Variants in ARRDC4 observed in about 807,000 individuals in gnomAD.
ARRDC4 encodes the protein arrestin domain-containing protein 4.
ARRDC4 carries 40 observed loss-of-function variants against 44.6 expected under a neutral mutation model. The observed-to-expected ratio is 0.90, with a 90% CI of 0.70 to 1.17. ARRDC4 has a LOEUF of 1.17. ARRDC4 is among the 50% of genes most tolerant of loss of function. The pLI is 0.00. For missense variants in ARRDC4, 550 were observed against 559.1 expected, an observed-to-expected ratio of 0.98 and a Z score of 0.16; for synonymous variants, 211 against 221.2, an observed-to-expected ratio of 0.95 and a Z score of 0.41.
In ARRDC4 at chr15:97,971,118, T is replaced by C; in HGVS notation, c.1201-13T>C. The C allele has an allele frequency of 1.9e-6, 3 of 1,612,914 alleles. No homozygotes were observed. The highest frequency in any genetic ancestry group is 2.5e-6 in the Non-Finnish European group (3 of 1,179,056). On this transcript the variant is annotated splice_polypyrimidine_tract_variant and intron_variant, in intron 7 of 7. Transcript: ENST00000268042. ...TGCTACAACACTAATCTCAGTCCGCTCTTTTTTTGCAGGTTGACCCACATC... is the reference window on the plus strand; with the variant it reads ...TGCTACAACACTAATCTCAGTCCGCCCTTTTTTTGCAGGTTGACCCACATC...
rs1263109107 is a variant in ARRDC4 at position 97,969,215 on chromosome 15, G to A, written c.718G>A (p.Ala240Thr). Reference protein sequence around the residue: ...AAIFQTQTYLASGKTKTIRHM... With the variant: ...AAIFQTQTYLTSGKTKTIRHM... Reference sequence around the variant, plus strand: ...TATTTTCCAAACGCAGACATATTTGGCTAGTGGAAAAACAAAGACCATTCG... The same window carrying A: ...TATTTTCCAAACGCAGACATATTTGACTAGTGGAAAAACAAAGACCATTCG... The change falls in exon 5 of 8, where the codon GCT becomes ACT. Residue 240 changes from alanine to threonine, a missense_variant. Coordinates refer to ENST00000268042, the MANE Select transcript of ARRDC4 (RefSeq NM_183376.3). 1 of 1,613,838 alleles carries A rather than the reference G, an allele frequency of 6.2e-7. No individual in the cohort carries two copies.
chr15:97,961,048 G>A lies in ARRDC4; in HGVS notation c.187G>A (p.Ala63Thr). 1 of 1,427,566 alleles carries A rather than the reference G, an allele frequency of 7.0e-7. No homozygotes were observed. Among genetic ancestry groups the A allele is most frequent in the Non-Finnish European group, 9.1e-7 (1 of 1,095,498 alleles). The allele number at this position is 1,427,566 out of a possible 1,614,324, so 88.4% of individuals were successfully genotyped here. A position where few individuals can be genotyped will look rare whatever the true frequency, so the allele number is the denominator to read the frequency against. Residue 63 changes from alanine to threonine, a missense_variant, in exon 1 of 8, where the codon GCC (alanine) becomes ACC (threonine). Coordinates refer to ENST00000268042, the MANE Select transcript of ARRDC4 (RefSeq NM_183376.3). ...GCTGCGCCTGGAGGCCCAGGGGCGCGCCACCGCCGCCTGGGGCCCGAGCAC... is the reference window on the plus strand; with the variant it reads ...GCTGCGCCTGGAGGCCCAGGGGCGCACCACCGCCGCCTGGGGCCCGAGCAC... ...RALRLEAQGR[A>T]TAAWGPSTCP...
rs1899511202 is a variant in ARRDC4, at chr15:97,971,345, G to A, written c.*158G>A. On this transcript the variant is annotated 3_prime_UTR_variant, in exon 8 of 8. Transcript: ENST00000268042. The stretch of plus-strand genomic sequence containing the variant: ...TTAAAGAATGTGAGAAAGTTCTGGT[G>A]GGCCGGCAGGATTGCCGCACAAGTT... The A allele has an allele frequency of 2.8e-6, 2 of 723,136 alleles. No homozygotes were observed. Among genetic ancestry groups the A allele is most frequent in the South Asian group, 1.8e-5 (1 of 55,410 alleles). 44.8% of individuals were successfully genotyped at this position (723,136 alleles called of 1,614,324 possible).
Position 97,971,413 on chromosome 15 carries a change from AAGATGT to A in ARRDC4, c.*227_*232del, listed in dbSNP as rs1202205694. ...TATATCCCTGTTAAAAACTGGGATG[AAGATGT>A]GCAAAGTCACAGAATGTAATGGAAG... is the stretch of plus-strand genomic sequence containing the variant. On this transcript the variant is annotated 3_prime_UTR_variant, in exon 8 of 8. Transcript: ENST00000268042. 5.9e-6 allele frequency: 3 copies of A among 512,660 alleles called. No homozygotes were observed. The highest frequency in any genetic ancestry group is 1.1e-5 in the Non-Finnish European group (3 of 283,798). The allele number at this position is 512,660 out of a possible 1,614,324, so 31.8% of individuals were successfully genotyped here.
chr15:97,964,954 C>T (rs1199445664), intron 1 of ARRDC4, among the ~76,000 whole-genome samples: 3 of 151,962 alleles, frequency 2.0e-5, no homozygotes, highest in East Asian at 1.9e-4. Context: ...TGGTATTTCC[C>T]GTTAGTATAA....
rs78704139 is a variant in ARRDC4, at chr15:97,967,215, C to A, written c.523-799C>A. 0.037 allele frequency among the ~76,000 whole-genome samples: 5,645 copies of A among 152,092 alleles called. 284 individuals are homozygous for A. Among genetic ancestry groups the A allele is most frequent in the African/African-American group, 0.11 (4,694 of 41,454 alleles). ...CTGAATATTTTTAAAGTTTTTATGA[C>A]CATTGTGGGAATTGATTTAAAGGGA... On this transcript the variant is annotated intron_variant, in intron 3 of 7. Coordinates refer to ENST00000268042, the MANE Select transcript of ARRDC4 (RefSeq NM_183376.3). This position sits in a 1 kb window ranked among gnomAD's most constrained non-coding sequence, Gnocchi z 5.0.
rs1899431297 is a variant in ARRDC4 at position 97,967,160 on chromosome 15, T to C, written c.523-854T>C. ...AAAATTGGTGATGCCAAGTAGCTTGTATTTTTAAAAACTACTTAGAATTGG... is the reference window on the plus strand; with the variant it reads ...AAAATTGGTGATGCCAAGTAGCTTGCATTTTTAAAAACTACTTAGAATTGG... On this transcript the variant is annotated intron_variant, in intron 3 of 7. Transcript: ENST00000268042. This position sits in a 1 kb window ranked among gnomAD's most constrained non-coding sequence, Gnocchi z 5.0. 6.6e-6 allele frequency among the ~76,000 whole-genome samples: 1 copy of C among 152,204 alleles called. No individual in the cohort carries two copies. The highest frequency in any genetic ancestry group is 2.4e-5 in the African/African-American group (1 of 41,460).
chr15:97,971,474 T>C lies in ARRDC4; in HGVS notation c.*287T>C, dbSNP rs894817740. The C allele has an allele frequency of 5.8e-5, 23 of 393,636 alleles. No homozygotes were observed. Among genetic ancestry groups the C allele is most frequent in the African/African-American group, 4.5e-4 (22 of 48,744 alleles). 24.4% of individuals were successfully genotyped at this position (393,636 alleles called of 1,614,324 possible). ...GATGGTTACAGAGTAAGTGAAAGGG[T>C]GCCTGCGCTGACGTGAGAGAAAGGA... On this transcript the variant is annotated 3_prime_UTR_variant, in exon 8 of 8. Transcript: ENST00000268042.
At position 97,969,516 on chromosome 15, in the gene ARRDC4, T is replaced by C. The variant is rs547917816; in HGVS notation, c.882+137T>C. ...ACACCAATTGGGGACTGTATGAAGA[T>C]TGGCCCTTGTTTTTAATAAAACCTA... On this transcript the variant is annotated intron_variant, in intron 5 of 7. Transcript: ENST00000268042. 134 of 996,346 alleles carry C rather than the reference T, an allele frequency of 1.3e-4. No individual in the cohort carries two copies. The African/African-American group carries it at 2.0e-3, about 15-fold the overall frequency. The allele number at this position is 996,346 out of a possible 1,614,324, so 61.7% of individuals were successfully genotyped here. A position where few individuals can be genotyped will look rare whatever the true frequency, so the allele number is the denominator to read the frequency against.
rs539768160 is a variant in ARRDC4, at chr15:97,960,757, G to A, written c.-105G>A. 9.6e-7 allele frequency: 1 copy of A among 1,046,438 alleles called. No individual in the cohort carries two copies. Among genetic ancestry groups the A allele is most frequent in the African/African-American group, 1.7e-5 (1 of 60,256 alleles). 64.8% of individuals were successfully genotyped at this position (1,046,438 alleles called of 1,614,324 possible). A position where few individuals can be genotyped will look rare whatever the true frequency, so the allele number is the denominator to read the frequency against. On this transcript the variant is annotated 5_prime_UTR_variant, in exon 1 of 8. Transcript: ENST00000268042. Reference sequence around the variant, plus strand: ...TCGGGTACCGCACGGCTGCCGCGGCGGCCTTACCCTGCCGCGAGCGCCTGT... The same window carrying A: ...TCGGGTACCGCACGGCTGCCGCGGCAGCCTTACCCTGCCGCGAGCGCCTGT...
In ARRDC4 at chr15:97,969,325, T is replaced by C. The variant is rs368485877; in HGVS notation, c.828T>C (p.Pro276=). ...ATGGGAAAACGCTAAAAATCCCACC[T>C]GTTACTCCATCCATCCTGGATTGCT... The part of the protein sequence containing the change: ...TWNGKTLKIP[P]VTPSILDCCI... The change falls in exon 5 of 8, where the codon CCT becomes CCC. Residue 276 remains proline, a synonymous_variant. Transcript: ENST00000268042. 3.7e-6 allele frequency: 6 copies of C among 1,613,924 alleles called. No individual in the cohort carries two copies. In the South Asian group the frequency reaches 5.5e-5, roughly 15 times the overall value.
chr15:97,963,296 T>TTG (rs1359811338), intron 1 of ARRDC4, among the ~76,000 whole-genome samples: 2 of 152,238 alleles, frequency 1.3e-5, no homozygotes, highest in African/African-American at 4.8e-5. Flanking sequence ...ATGGTTCAGC[T>TTG]TGTGAACCTT....
chr15:97,968,635 G>A lies in ARRDC4; in HGVS notation c.626-488G>A, dbSNP rs1029093479. Among the ~76,000 whole-genome samples the A allele has an allele frequency of 1.8e-4, 27 of 152,218 alleles. No individual in the cohort carries two copies. The highest frequency in any genetic ancestry group is 7.9e-4 in the Admixed American group (12 of 15,284). On this transcript the variant is annotated intron_variant, in intron 4 of 7. Transcript: ENST00000268042. The surrounding 1 kb of genome is among the most constrained non-coding windows in gnomAD (Gnocchi z 5.4). ...TTCTGACTTGTTAGAAAGGAATTCA[G>A]TATGGAATGGTATGATGTGCAGCCA... is the stretch of plus-strand genomic sequence containing the variant.
rs1378291168 is a variant in ARRDC4 at position 97,965,697 on chromosome 15, CCTT to C, written c.374+34_374+36del. The C allele has an allele frequency of 6.3e-7, 1 of 1,592,286 alleles. No individual in the cohort carries two copies. The highest frequency in any genetic ancestry group is 1.3e-5 in the African/African-American group (1 of 74,392). On this transcript the variant is annotated intron_variant, in intron 2 of 7. Transcript: ENST00000268042. This position sits in a 1 kb window ranked among gnomAD's most constrained non-coding sequence, Gnocchi z 5.1. ...TGAAACACTACAATTTTGTGGTTATCCTTCTCTGCAGTATGTCCATTCAAGTTT... is the reference window on the plus strand; with the variant it reads ...TGAAACACTACAATTTTGTGGTTATCCTCTGCAGTATGTCCATTCAAGTTT...
rs1161771834 is a variant in ARRDC4 at position 97,972,346 on chromosome 15, G to A, written c.*1159G>A. Reference sequence around the variant, plus strand: ...GTCAAGAGACCTAGGTCTACTGATGGCAGTCACTGCATTGTACATTATTCC... The same window carrying A: ...GTCAAGAGACCTAGGTCTACTGATGACAGTCACTGCATTGTACATTATTCC... On this transcript the variant is annotated 3_prime_UTR_variant, in exon 8 of 8. Coordinates refer to ENST00000268042, the MANE Select transcript of ARRDC4 (RefSeq NM_183376.3). This position sits in a 1 kb window ranked among gnomAD's most constrained non-coding sequence, Gnocchi z 5.3. The A allele has an allele frequency of 6.6e-6, 1 of 152,668 alleles. No individual in the cohort carries two copies. Among genetic ancestry groups the A allele is most frequent in the Non-Finnish European group, 1.5e-5 (1 of 68,004 alleles). 9.5% of individuals were successfully genotyped at this position (152,668 alleles called of 1,614,324 possible). A position where few individuals can be genotyped will look rare whatever the true frequency, so the allele number is the denominator to read the frequency against.
rs992798070 is a variant in ARRDC4, at chr15:97,970,323, A to G, written c.1046-266A>G. ...AAAACAATGAAAAACAGTCAAATGT[A>G]TGGTGTGTTATGTCTTTTCTATAGT... On this transcript the variant is annotated intron_variant, in intron 6 of 7. Transcript: ENST00000268042. The surrounding 1 kb of genome is among the most constrained non-coding windows in gnomAD (Gnocchi z 4.2). Among the ~76,000 whole-genome samples the G allele has an allele frequency of 3.9e-5, 6 of 152,110 alleles. No individual in the cohort carries two copies. Among genetic ancestry groups the G allele is most frequent in the African/African-American group, 1.4e-4 (6 of 41,424 alleles).
At chr15:97,969,085 G>C in intron 4 of ARRDC4, 38 bp from the exon 5 acceptor site, 4 of 1,599,224 alleles carry the variant, frequency 2.5e-6, no homozygotes, top group Non-Finnish European at 2.6e-6. Flanking sequence ...ACTTTTTCAA[G>C]AGTCTCTGAA....
Position 97,972,473 on chromosome 15 carries a change from TTGC to T in ARRDC4, c.*1292_*1294del, listed in dbSNP as rs1171126300. 2 of 152,616 alleles carry T rather than the reference TTGC, an allele frequency of 1.3e-5. No individual in the cohort carries two copies. The highest frequency in any genetic ancestry group is 2.4e-5 in the African/African-American group (1 of 41,454). The allele number at this position is 152,616 out of a possible 1,614,324, so 9.5% of individuals were successfully genotyped here. A position where few individuals can be genotyped will look rare whatever the true frequency, so the allele number is the denominator to read the frequency against. ...GGATATTCAGACCAACAGGATTGTG[TTGC>T]TGCTGAAAGTCTGAGCAGTGTTTTA... On this transcript the variant is annotated 3_prime_UTR_variant, in exon 8 of 8. Transcript: ENST00000268042. This position sits in a 1 kb window ranked among gnomAD's most constrained non-coding sequence, Gnocchi z 5.3.
rs972730001 is a variant in ARRDC4 at position 97,968,737 on chromosome 15, G to A, written c.626-386G>A. Among the ~76,000 whole-genome samples the A allele has an allele frequency of 6.6e-6, 1 of 152,098 alleles. No individual in the cohort carries two copies. The highest frequency in any genetic ancestry group is 2.4e-5 in the African/African-American group (1 of 41,430). On this transcript the variant is annotated intron_variant, in intron 4 of 7. Transcript: ENST00000268042. The surrounding 1 kb of genome is among the most constrained non-coding windows in gnomAD (Gnocchi z 5.4). The stretch of plus-strand genomic sequence containing the variant: ...CATTATTAATTCCTTAAAAGCAAAG[G>A]CTTTGTTCTCCTGTTAGGCAGATTT...
Sources: allele counts gnomAD v4.1 joint callset (sites outside exome capture counted in the v4.1 genomes callset), GRCh38; gene constraint gnomAD v4.1.1; non-coding constraint Gnocchi (gnomAD v3.1); transcripts MANE v1.5; gene names NCBI Gene and HGNC (gene_info 2026-07-23, HGNC 2026-07-21).